Variants in SH2B3 observed in about 807,000 individuals in gnomAD.
SH2B3 encodes the protein SH2B adaptor protein 3.
Under a neutral mutation model 51.9 loss-of-function variants are expected in SH2B3, and 43 were observed. The ratio of observed to expected loss-of-function variants is 0.83; its 90% confidence interval spans 0.65 to 1.07. The LOEUF is 1.07. Among genes scored for constraint, SH2B3 ranks in the 50% least tolerant of loss-of-function variants. The pLI is 0.00. For synonymous variants in SH2B3, 396 were observed against 376.0 expected (o/e 1.05, Z -0.62); for missense variants, 952 against 834.3 (o/e 1.14, Z -1.74).
chr12:111,444,687 C>T (rs551680491), intron 2 of SH2B3: 3 of 979,010 alleles, frequency 3.1e-6, no homozygotes, highest in Admixed American at 6.1e-5. Flanking sequence ...CCCTCTCACC[C>T]ATCCCCCCAT....
In SH2B3 at chr12:111,448,316, C is replaced by G. The variant is rs377181271; in HGVS notation, c.*14C>G. ...ACACCTCTCTGACCAGTGAGGAATT[C>G]CAGGCCTCAACAGCTGCCCTTGAGG... On this transcript the variant is annotated 3_prime_UTR_variant, in exon 8 of 8. Transcript: ENST00000341259. The G allele has an allele frequency of 9.5e-6, 15 of 1,574,934 alleles. No individual in the cohort carries two copies. In the African/African-American group the frequency reaches 1.8e-4, roughly 18 times the overall value.
chr12:111,442,510 AGACCACCAGG>A lies in SH2B3; in HGVS notation c.733-4240_733-4231del, dbSNP rs1450337645. Reference sequence around the variant, plus strand: ...GGGCTCAAAGGCTCTGGGGAAGGTAAGACCACCAGGGAGCTAGTGTGGCCTGGGGGTTCCC... The same window carrying A: ...GGGCTCAAAGGCTCTGGGGAAGGTAAGAGCTAGTGTGGCCTGGGGGTTCCC... On this transcript the variant is annotated intron_variant, in intron 2 of 7. Coordinates refer to ENST00000341259, the MANE Select transcript of SH2B3 (RefSeq NM_005475.3). Among the ~76,000 whole-genome samples the A allele has an allele frequency of 4.6e-5, 7 of 152,264 alleles. No individual in the cohort carries two copies. The East Asian group carries it at 1.4e-3, about 29-fold the overall frequency.
At chr12:111,440,192 T>C (rs1873272983) in intron 2 of SH2B3, among the ~76,000 whole-genome samples, 1 of 152,258 alleles carries the variant, frequency 6.6e-6, no homozygotes, top group African/African-American at 2.4e-5. Flanking sequence ...CCCTGTGCTG[T>C]GTTCCCTCCC....
intron 2 of SH2B3, among the ~76,000 whole-genome samples, chr12:111,419,650 A>G (rs1271000342): frequency 6.6e-6 from 1 of 151,954 alleles, no homozygotes. Flanking sequence ...AAAAAAAAAA[A>G]TGTTTAGACT....
chr12:111,444,580 C>CTTGACTT (rs1184961795), intron 2 of SH2B3, among the ~76,000 whole-genome samples: 1 of 152,208 alleles, frequency 6.6e-6, no homozygotes, highest in East Asian at 1.9e-4. Flanking sequence ...GCTGGCCTGG[C>CTTGACTT]TTGACTTTTG....
Position 111,435,547 on chromosome 12 carries a change from C to T in SH2B3, c.733-11206C>T, listed in dbSNP as rs1458187591. Among the ~76,000 whole-genome samples the T allele has an allele frequency of 6.6e-6, 1 of 152,156 alleles. No individual in the cohort carries two copies. Among genetic ancestry groups the T allele is most frequent in the East Asian group, 1.9e-4 (1 of 5,194 alleles). On this transcript the variant is annotated intron_variant, in intron 2 of 7. Coordinates refer to ENST00000341259, the MANE Select transcript of SH2B3 (RefSeq NM_005475.3). The surrounding 1 kb of genome is among the most constrained non-coding windows in gnomAD (Gnocchi z 4.8). Reference sequence around the variant, plus strand: ...CTAATTTTTGAATTTTTAGTAGAGGCAGGGTTTCACCATGTTGGCCAGGCT... The same window carrying T: ...CTAATTTTTGAATTTTTAGTAGAGGTAGGGTTTCACCATGTTGGCCAGGCT...
At chr12:111,433,904 G>C (rs1012234954) in intron 2 of SH2B3, among the ~76,000 whole-genome samples, 1 of 152,144 alleles carries the variant, frequency 6.6e-6, no homozygotes, top group South Asian at 2.1e-4. Context: ...GTGAGCTACC[G>C]GGTTTAGCCT....
chr12:111,444,550 A>G (rs12315206), intron 2 of SH2B3, among the ~76,000 whole-genome samples: 15,719 of 152,262 alleles, frequency 0.1, 2,708 homozygotes, highest in African/African-American at 0.36. Context: ...GAGCCTAAGC[A>G]GGTCCAGGGA....
At chr12:111,439,621 G>A (rs1279279969) in intron 2 of SH2B3, among the ~76,000 whole-genome samples, 3 of 150,364 alleles carry the variant, frequency 2.0e-5, no homozygotes, top group South Asian at 2.1e-4. Context: ...CTCTGTTGTC[G>A]AGGCTGGAGT....
rs149303536 is a variant in SH2B3 at position 111,414,456 on chromosome 12, G to A, written c.-27-3663G>A. ...AAAATACAAAAATTAACCAGGTGTC[G>A]TGGTGTGTGCCTGTAGTCTTAGCAC... On this transcript the variant is annotated intron_variant, in intron 1 of 7. Transcript: ENST00000341259. Among the ~76,000 whole-genome samples the A allele has an allele frequency of 1.0e-3, 154 of 152,214 alleles. 2 individuals are homozygous for A. Among genetic ancestry groups the A allele is most frequent in the African/African-American group, 3.2e-3 (135 of 41,540 alleles).
rs2135526802 is a variant in SH2B3, at chr12:111,406,192, GGGGCCCGCCCGCCCCCTCGGGATTTCGA to G, written c.-105_-78del. 6.6e-6 allele frequency: 1 copy of G among 151,792 alleles called. No homozygotes were observed. The highest frequency in any genetic ancestry group is 2.4e-5 in the African/African-American group (1 of 41,460). The allele number at this position is 151,792 out of a possible 1,614,324, so 9.4% of individuals were successfully genotyped here. Reference sequence around the variant, plus strand: ...GGCGGGAGAGGACGCGCCCAGGGCGGGGGCCCGCCCGCCCCCTCGGGATTTCGAGGGCCCGGGGGCGCGCGACGCCATG... The same window carrying G: ...GGCGGGAGAGGACGCGCCCAGGGCGGGGGCCCGGGGGCGCGCGACGCCATG... On this transcript the variant is annotated 5_prime_UTR_variant, in exon 1 of 8. Coordinates refer to ENST00000341259, the MANE Select transcript of SH2B3 (RefSeq NM_005475.3). The surrounding 1 kb of genome is among the most constrained non-coding windows in gnomAD (Gnocchi z 5.7).
intron 1 of SH2B3, among the ~76,000 whole-genome samples, chr12:111,417,533 G>T (rs369273445): frequency 6.7e-6 from 1 of 150,332 alleles, no homozygotes; most frequent in East Asian, 2.0e-4. Flanking sequence ...GGCGTTCAAT[G>T]GCTGATCATG....
intron 2 of SH2B3, among the ~76,000 whole-genome samples, chr12:111,425,719 G>T (rs796946978): frequency 2.6e-5 from 4 of 152,142 alleles, no homozygotes; most frequent in Non-Finnish European, 5.9e-5. Context: ...GTGGGTGCAA[G>T]GGACCCTCCA....
At chr12:111,430,048 G>C (rs1049202401) in intron 2 of SH2B3, among the ~76,000 whole-genome samples, 1 of 152,200 alleles carries the variant, frequency 6.6e-6, no homozygotes, top group African/African-American at 2.4e-5. Context: ...TCTCCTGGGG[G>C]ACCAGCGGCA....
At chr12:111,431,770 T>C (rs893560479) in intron 2 of SH2B3, among the ~76,000 whole-genome samples, 1 of 152,184 alleles carries the variant, frequency 6.6e-6, no homozygotes, top group Admixed American at 6.5e-5. Context: ...CATGCCCTGC[T>C]AATTTTTAAG....
rs1022935622 is a variant in SH2B3, at chr12:111,438,613, G to A, written c.733-8140G>A. Among the ~76,000 whole-genome samples, 7 of 152,206 alleles carry A rather than the reference G, an allele frequency of 4.6e-5. No individual in the cohort carries two copies. Among genetic ancestry groups the A allele is most frequent in the East Asian group, 1.9e-4 (1 of 5,198 alleles). Reference sequence around the variant, plus strand: ...CCCACCACCTAGCAGGCACTGGCTCGCGGCCAAGGACACCACGTGAGCAAA... The same window carrying A: ...CCCACCACCTAGCAGGCACTGGCTCACGGCCAAGGACACCACGTGAGCAAA... On this transcript the variant is annotated intron_variant, in intron 2 of 7. Coordinates refer to ENST00000341259, the MANE Select transcript of SH2B3 (RefSeq NM_005475.3). This position sits in a 1 kb window ranked among gnomAD's most constrained non-coding sequence, Gnocchi z 4.2.
chr12:111,435,095 T>C lies in SH2B3; in HGVS notation c.733-11658T>C. 2 of 1,276,874 alleles carry C rather than the reference T, an allele frequency of 1.6e-6. No individual in the cohort carries two copies. Among genetic ancestry groups the C allele is most frequent in the Non-Finnish European group, 2.2e-6 (2 of 922,832 alleles). 79.1% of individuals were successfully genotyped at this position (1,276,874 alleles called of 1,614,324 possible). Reference sequence around the variant, plus strand: ...TGGTGATGAGTCCCCTCTCCTCTGGTGCACTCTCCCCACCCGAGACGGGCG... The same window carrying C: ...TGGTGATGAGTCCCCTCTCCTCTGGCGCACTCTCCCCACCCGAGACGGGCG... On this transcript the variant is annotated intron_variant, in intron 2 of 7. Coordinates refer to ENST00000341259, the MANE Select transcript of SH2B3 (RefSeq NM_005475.3). This position sits in a 1 kb window ranked among gnomAD's most constrained non-coding sequence, Gnocchi z 4.8.
intron 1 of SH2B3, among the ~76,000 whole-genome samples, chr12:111,408,760 C>T (rs1276937227): frequency 6.6e-6 from 1 of 152,176 alleles, no homozygotes; most frequent in Non-Finnish European, 1.5e-5. Flanking sequence ...ACCCAGTTTA[C>T]ATGACCCCAC....
rs1593026442 is a variant in SH2B3 at position 111,410,037 on chromosome 12, A to G, written c.-28+3760A>G. ...CCAGGCCTGGAGCCCCTGGGGGCCC[A>G]CCCGGATGTGGCTACCCCCCGGCTG... On this transcript the variant is annotated intron_variant, in intron 1 of 7. Transcript: ENST00000341259. The surrounding 1 kb of genome is among the most constrained non-coding windows in gnomAD (Gnocchi z 4.9). 6.6e-6 allele frequency among the ~76,000 whole-genome samples: 1 copy of G among 152,008 alleles called. No homozygotes were observed. The highest frequency in any genetic ancestry group is 1.5e-5 in the Non-Finnish European group (1 of 67,982).
Sources: allele counts gnomAD v4.1 joint callset (sites outside exome capture counted in the v4.1 genomes callset), GRCh38; gene constraint gnomAD v4.1.1; non-coding constraint Gnocchi (gnomAD v3.1); transcripts MANE v1.5; gene names NCBI Gene and HGNC (gene_info 2026-07-23, HGNC 2026-07-21).